ROR2: variants seen among roughly 807,000 people sequenced by gnomAD.
ROR2 encodes tyrosine-protein kinase transmembrane receptor ROR2.
Under a neutral mutation model 74.9 loss-of-function variants are expected in ROR2, and 33 were observed. The ratio of observed to expected loss-of-function variants is 0.44; its 90% confidence interval spans 0.33 to 0.59. The LOEUF is 0.59. Among genes scored for constraint, ROR2 ranks in the 20% least tolerant of loss-of-function variants. The pLI is 0.02. For missense variants in ROR2, 1,216 were observed against 1,313.8 expected, an observed-to-expected ratio of 0.93 and a Z score of 1.15; for synonymous variants, 586 against 558.7, an observed-to-expected ratio of 1.05 and a Z score of -0.69.
At chr9:91,937,649 A>C (rs2118019759) in intron 1 of ROR2, among the ~76,000 whole-genome samples, 1 of 152,292 alleles carries the variant, frequency 6.6e-6, no homozygotes, top group Non-Finnish European at 1.5e-5. Context: ...TGTCTTCCCC[A>C]GGAGCTTCAA....
chr9:91,847,194 A>G (rs73517035), intron 1 of ROR2, among the ~76,000 whole-genome samples: 4,221 of 152,252 alleles, frequency 0.028, 140 homozygotes, highest in Middle Eastern at 0.088. Context: ...GCTTTAAGGC[A>G]TCAGTATGTG....
rs773779501 is a variant in ROR2, at chr9:91,723,877, A to G, written c.2617T>C (p.Tyr873His). 1 of 1,614,008 alleles carries G rather than the reference A, an allele frequency of 6.2e-7. No individual in the cohort carries two copies. Among genetic ancestry groups the G allele is most frequent in the South Asian group, 1.1e-5 (1 of 91,072 alleles). Residue 873 changes from tyrosine (Y) to histidine (H), a missense_variant, in exon 9 of 9, where the codon TAC (tyrosine) becomes CAC (histidine). Tyr to His is a moderately conservative substitution (Grantham distance 83). Coordinates refer to ENST00000375708, the MANE Select transcript of ROR2 (RefSeq NM_004560.4). ...GTGTTGGAGGGGGCCGTGGTGACGT[A>G]GCCTGTGCTGGTGGAGCCACTGCCA... is the stretch of plus-strand genomic sequence containing the variant. The part of the protein sequence containing the change: ...HSGSGSTSTG[Y>H]VTTAPSNTSM...
rs1836846271 is a variant in ROR2, at chr9:91,722,795, T to G, written c.*867A>C. The G allele has an allele frequency of 1.7e-6, 1 of 590,014 alleles. No individual in the cohort carries two copies. Among genetic ancestry groups the G allele is most frequent in the Admixed American group, 2.9e-5 (1 of 34,060 alleles). The allele number at this position is 590,014 out of a possible 1,614,324, so 36.5% of individuals were successfully genotyped here. ...TCCCAACGTGGGTAACATAAACAGT[T>G]AAATTACTAAAGTCATCTTAAGACC... is the stretch of plus-strand genomic sequence containing the variant. On this transcript the variant is annotated 3_prime_UTR_variant, in exon 9 of 9. Coordinates refer to ENST00000375708, the MANE Select transcript of ROR2 (RefSeq NM_004560.4).
intron 1 of ROR2, among the ~76,000 whole-genome samples, chr9:91,871,971 C>T (rs141486064): frequency 1.5e-4 from 23 of 152,236 alleles, no homozygotes; most frequent in African/African-American, 4.1e-4. Context: ...ACGACAGCCA[C>T]GCAAGAGACC....
intron 1 of ROR2, among the ~76,000 whole-genome samples, chr9:91,899,108 C>G (rs576450071): frequency 6.6e-6 from 1 of 152,356 alleles, no homozygotes; most frequent in Non-Finnish European, 1.5e-5. Context: ...GTGGCCTCTT[C>G]CTGTTCCGCT....
chr9:91,841,205 A>C (rs1828772546), intron 1 of ROR2, among the ~76,000 whole-genome samples: 3 of 152,336 alleles, frequency 2.0e-5, no homozygotes, highest in Middle Eastern at 6.8e-3. Flanking sequence ...GATGACCTGG[A>C]ACTTTGTGGG....
At chr9:91,821,496 G>C (rs1369298834) in intron 1 of ROR2, among the ~76,000 whole-genome samples, 1 of 152,002 alleles carries the variant, frequency 6.6e-6, no homozygotes, top group East Asian at 1.9e-4. Context: ...TGCTCCCTCA[G>C]CAACACCTGC....
At chr9:91,729,770 G>A (rs890610219) in intron 7 of ROR2, among the ~76,000 whole-genome samples, 1 of 152,168 alleles carries the variant, frequency 6.6e-6, no homozygotes, top group African/African-American at 2.4e-5. Context: ...CATCAGCCAC[G>A]TGAGCTTCCA....
chr9:91,778,094 G>A (rs1564269957), intron 1 of ROR2, among the ~76,000 whole-genome samples: 1 of 152,212 alleles, frequency 6.6e-6, no homozygotes, highest in Non-Finnish European at 1.5e-5. Flanking sequence ...CAATTTAGGA[G>A]CAGCCAGGCT....
At chr9:91,843,192 T>C (rs1324183490) in intron 1 of ROR2, among the ~76,000 whole-genome samples, 2 of 152,190 alleles carry the variant, frequency 1.3e-5, no homozygotes, top group African/African-American at 4.8e-5. Context: ...CCTGCGGCCC[T>C]GCAAAGACCC....
At chr9:91,908,019 G>T (rs1475569182) in intron 1 of ROR2, among the ~76,000 whole-genome samples, 2 of 152,222 alleles carry the variant, frequency 1.3e-5, no homozygotes, top group Non-Finnish European at 2.9e-5. Context: ...ATTGTTGTGG[G>T]AAAGAACTTC....
At chr9:91,814,792 G>A (rs1488876560) in intron 1 of ROR2, among the ~76,000 whole-genome samples, 17 of 152,258 alleles carry the variant, frequency 1.1e-4, no homozygotes, top group Admixed American at 1.1e-3. Flanking sequence ...GGGAGCCAGT[G>A]TGGCCATGAA....
intron 1 of ROR2, 62 bp from the exon 2 acceptor site, chr9:91,775,880 CT>C: frequency 7.0e-7 from 1 of 1,420,144 alleles, no homozygotes; most frequent in Non-Finnish European, 9.9e-7. Context: ...CTTTAATTTG[CT>C]TCTTATGCAA....
chr9:91,748,478 A>G (rs759151381), intron 4 of ROR2, among the ~76,000 whole-genome samples: 3 of 152,258 alleles, frequency 2.0e-5, no homozygotes, highest in Non-Finnish European at 4.4e-5. Context: ...AAGTATTTGT[A>G]GAAAACTTTA....
chr9:91,844,238 C>A lies in ROR2; in HGVS notation c.98-68420G>T, dbSNP rs1056124990. Among the ~76,000 whole-genome samples the A allele has an allele frequency of 1.1e-4, 17 of 152,324 alleles. 2 individuals are homozygous for A. Among genetic ancestry groups the A allele is most frequent in the South Asian group, 8.3e-4 (4 of 4,826 alleles). The stretch of plus-strand genomic sequence containing the variant: ...TTTAAACTGCTGCCTGGTGGCTAGA[C>A]TTCTAGCTACCAGTTTCAGGTCGTC... On this transcript the variant is annotated intron_variant, in intron 1 of 8. Transcript: ENST00000375708.
intron 1 of ROR2, among the ~76,000 whole-genome samples, chr9:91,806,974 G>A (rs1322347350): frequency 6.6e-6 from 1 of 152,132 alleles, no homozygotes; most frequent in Admixed American, 6.5e-5. Context: ...AGCAGACTTG[G>A]GAAACAGAAT....
At chr9:91,881,760 G>A (rs955674694) in intron 1 of ROR2, among the ~76,000 whole-genome samples, 1 of 152,164 alleles carries the variant, frequency 6.6e-6, no homozygotes, top group Non-Finnish European at 1.5e-5. Flanking sequence ...AAGACCAGGG[G>A]AATTATCACA....
At chr9:91,744,844 G>A (rs147490889) in intron 4 of ROR2, among the ~76,000 whole-genome samples, 42 of 152,264 alleles carry the variant, frequency 2.8e-4, no homozygotes, top group East Asian at 1.9e-3. Flanking sequence ...TTTCCCCTAC[G>A]CTGTTCAGGT....
chr9:91,935,947 G>A (rs758461850), intron 1 of ROR2, among the ~76,000 whole-genome samples: 2 of 152,202 alleles, frequency 1.3e-5, no homozygotes, highest in Admixed American at 1.3e-4. Flanking sequence ...ATGACAAGCG[G>A]TGAACACACA....
Sources: allele counts gnomAD v4.1 joint callset (sites outside exome capture counted in the v4.1 genomes callset), GRCh38; gene constraint gnomAD v4.1.1; transcripts MANE v1.5; gene names NCBI Gene and HGNC (gene_info 2026-07-23, HGNC 2026-07-21).